SULF2: variants seen among roughly 807,000 people sequenced by gnomAD.
SULF2 encodes the protein extracellular sulfatase Sulf-2.
Under a neutral mutation model 107.7 loss-of-function variants are expected in SULF2, and 52 were observed. That is an observed-to-expected ratio of 0.48 (90% CI 0.39 to 0.61). The LOEUF (loss-of-function observed/expected upper bound fraction) is 0.61, where lower values mean the gene tolerates loss of function less well. Among genes scored for constraint, SULF2 ranks in the 20% least tolerant of loss-of-function variants. The pLI is 0.00. For synonymous variants in SULF2, 460 were observed against 464.3 expected, an observed-to-expected ratio of 0.99 and a Z score of 0.12; for missense variants, 993 against 1,177.3, an observed-to-expected ratio of 0.84 and a Z score of 2.29.
At chr20:47,691,723 C>G (rs769173081) in intron 4 of SULF2, among the ~76,000 whole-genome samples, 1 of 152,066 alleles carries the variant, frequency 6.6e-6, no homozygotes, top group Non-Finnish European at 1.5e-5. Context: ...ATATAAGGAG[C>G]AGCACACACA....
In SULF2 at chr20:47,661,833, C is replaced by G; in HGVS notation, c.2434G>C (p.Glu812Gln). ...TTGTAACCCTTGCAGCTCCTCAGCT[C>G]CATGAGCTGTACGTGTAGCTGGTTG... is the stretch of plus-strand genomic sequence containing the variant. ...VLNQLHVQLM[E>Q]LRSCKGYKQC... The change falls in exon 18 of 21, where the codon GAG becomes CAG. Residue 812 changes from glutamate (E) to glutamine (Q), a missense_variant. By Grantham distance (29) the Glu-to-Gln change is conservative (BLOSUM62 2). Around this residue, in one of 3 missense-constraint regions of SULF2, gnomAD observed 497 missense variants for 544.1 expected, o/e 0.91. Transcript: ENST00000688720. 1 of 1,595,478 alleles carries G rather than the reference C, an allele frequency of 6.3e-7. No homozygotes were observed. The highest frequency in any genetic ancestry group is 8.6e-7 in the Non-Finnish European group (1 of 1,167,280).
At chr20:47,722,718 G>A (rs1052272618) in intron 3 of SULF2, among the ~76,000 whole-genome samples, 13 of 152,026 alleles carry the variant, frequency 8.6e-5, no homozygotes, top group Non-Finnish European at 1.8e-4. Flanking sequence ...GATCACTTGA[G>A]GTCAGGAGTT....
At chr20:47,685,127 AAAT>A (rs1355508775) in intron 5 of SULF2, 1 of 152,292 alleles carries the variant, frequency 6.6e-6, no homozygotes, top group Admixed American at 6.5e-5. Flanking sequence ...TTTTAGTTTG[AAAT>A]AATAGAAATG....
intron 3 of SULF2, 114 bp from the exon 4 acceptor site, chr20:47,702,784 G>T: frequency 1.1e-6 from 1 of 894,286 alleles, no homozygotes; most frequent in Non-Finnish European, 1.7e-6. Context: ...GGAGCCCTCT[G>T]GCACACAGAG....
chr20:47,720,403 A>G (rs1001932903), intron 3 of SULF2, among the ~76,000 whole-genome samples: 2 of 151,692 alleles, frequency 1.3e-5, no homozygotes, highest in East Asian at 1.9e-4. Context: ...GTACAGGTGC[A>G]CACCACCACG....
chr20:47,728,143 C>T (rs961601268), intron 3 of SULF2, among the ~76,000 whole-genome samples: 10 of 152,236 alleles, frequency 6.6e-5, no homozygotes, highest in East Asian at 1.9e-4. Context: ...GCTGTCCCCC[C>T]ACAGGCCGGA....
At chr20:47,751,156 C>T (rs192652109) in intron 2 of SULF2, among the ~76,000 whole-genome samples, 188 of 152,360 alleles carry the variant, frequency 1.2e-3, no homozygotes, top group Non-Finnish European at 2.3e-3. Flanking sequence ...CAGGAAACAC[C>T]TGCCGAATGA....
chr20:47,698,414 C>A (rs2088455503), intron 4 of SULF2, among the ~76,000 whole-genome samples: 1 of 152,144 alleles, frequency 6.6e-6, no homozygotes, highest in Admixed American at 6.5e-5. Context: ...CAATGAGATG[C>A]ACTGAGACTC....
intron 3 of SULF2, among the ~76,000 whole-genome samples, chr20:47,708,880 A>C (rs1031107339): frequency 6.1e-4 from 93 of 152,008 alleles, no homozygotes; most frequent in African/African-American, 2.2e-3. Flanking sequence ...CTCTGCTAGC[A>C]TCTCCCCTTT....
At chr20:47,742,657 A>T (rs192618885) in intron 2 of SULF2, among the ~76,000 whole-genome samples, 1 of 152,140 alleles carries the variant, frequency 6.6e-6, no homozygotes. Context: ...ATTTAACGTG[A>T]TTTAAGAAAA....
intron 20 of SULF2, among the ~76,000 whole-genome samples, chr20:47,658,958 C>T (rs2086980532): frequency 6.6e-6 from 1 of 152,180 alleles, no homozygotes; most frequent in South Asian, 2.1e-4. Flanking sequence ...GTGAACTTTA[C>T]AGGTTGCCAG....
chr20:47,665,097 GATAAAA>G (rs1366557480), intron 14 of SULF2, 96 bp downstream of exon 14: 7 of 809,542 alleles, frequency 8.6e-6, no homozygotes, highest in Admixed American at 6.0e-5. Context: ...AGAAGATAAA[GATAAAA>G]ATAAAAAATG....
At chr20:47,688,785 A>G (rs1216690736) in intron 5 of SULF2, among the ~76,000 whole-genome samples, 1 of 151,982 alleles carries the variant, frequency 6.6e-6, no homozygotes, top group Non-Finnish European at 1.5e-5. Flanking sequence ...GAAGGTGAAC[A>G]GTGCCTTCGG....
intron 1 of SULF2, among the ~76,000 whole-genome samples, chr20:47,764,389 T>C (rs2090482469): frequency 6.6e-6 from 1 of 150,552 alleles, no homozygotes; most frequent in Admixed American, 6.6e-5. Flanking sequence ...AATTATCTCC[T>C]GTCTCCTGGT....
At position 47,678,732 on chromosome 20, in the gene SULF2, C is replaced by T. The variant is rs140289111; in HGVS notation, c.1137G>A (p.Ala379=). The change falls in exon 8 of 21, where the codon GCG becomes GCA. Residue 379 remains alanine, a synonymous_variant. Transcript: ENST00000688720. This position sits in a 1 kb window ranked among gnomAD's most constrained non-coding sequence, Gnocchi z 4.5. ...ILDIAGLDIP[A]DMDGKSILKL... ...TGAGGATGGATTTCCCGTCCATATCCGCAGGTATGTCCAGGCCTGCAATGT... is the reference window on the plus strand; with the variant it reads ...TGAGGATGGATTTCCCGTCCATATCTGCAGGTATGTCCAGGCCTGCAATGT... 1.4e-5 allele frequency: 23 copies of T among 1,613,980 alleles called. 1 individual carries two copies. The highest frequency in any genetic ancestry group is 1.3e-4 in the East Asian group (6 of 44,882).
Position 47,658,273 on chromosome 20 carries a change from G to A in SULF2, c.*89C>T, listed in dbSNP as rs1201792594. ...CTCAGGCCTCCTGGCCAATACCACA[G>A]GTCTGCTGGAAATCACCCACATGGT... On this transcript the variant is annotated 3_prime_UTR_variant, in exon 21 of 21. Transcript: ENST00000688720. 4.9e-6 allele frequency: 7 copies of A among 1,418,296 alleles called. No homozygotes were observed. Among genetic ancestry groups the A allele is most frequent in the Non-Finnish European group, 5.0e-6 (5 of 1,001,388 alleles). The allele number at this position is 1,418,296 out of a possible 1,614,324, so 87.9% of individuals were successfully genotyped here.
At chr20:47,734,197 G>A (rs532719669) in intron 3 of SULF2, among the ~76,000 whole-genome samples, 2 of 152,272 alleles carry the variant, frequency 1.3e-5, no homozygotes, top group East Asian at 3.9e-4. Context: ...ATAGAGCAGG[G>A]CCACCAGAAC....
Position 47,745,392 on chromosome 20 carries a change from AAAAAAAAAAAAAAAAAAAATATATAT to A in SULF2, c.176-8476_176-8451del, listed in dbSNP as rs1480087021. On this transcript the variant is annotated intron_variant, in intron 2 of 20. Coordinates refer to ENST00000688720, the MANE Select transcript of SULF2 (RefSeq NM_001387048.1). Reference sequence around the variant, plus strand: ...TTCTGAGTTTTGAGGGAAAAAAAAAAAAAAAAAAAAAAAAAAAAATATATATATATATATATATATATATATATATA... The same window carrying A: ...TTCTGAGTTTTGAGGGAAAAAAAAAAATATATATATATATATATATATATA... Among the ~76,000 whole-genome samples, 119 of 15,784 alleles carry A rather than the reference AAAAAAAAAAAAAAAAAAAATATATAT, an allele frequency of 7.5e-3. 3 individuals carry two copies. The African/African-American group carries it at 0.083, about 11-fold the overall frequency. The allele number at this position is 15,784 out of a possible 152,430, so 10.4% of individuals were successfully genotyped here. A position where few individuals can be genotyped will look rare whatever the true frequency, so the allele number is the denominator to read the frequency against.
chr20:47,659,822 T>G (rs2294891), intron 18 of SULF2, 92 bp from the exon 19 acceptor site: 288,143 of 968,418 alleles, frequency 0.3, 48,780 homozygotes, highest in East Asian at 0.6. Context: ...TGCTTTTTTG[T>G]CACAATCCCA....
Sources: allele counts gnomAD v4.1 joint callset (sites outside exome capture counted in the v4.1 genomes callset), GRCh38; gene constraint gnomAD v4.1.1; regional missense constraint gnomAD v4.1.1; non-coding constraint Gnocchi (gnomAD v3.1); transcripts MANE v1.5; gene names NCBI Gene and HGNC (gene_info 2026-07-23, HGNC 2026-07-21).